CRTC1: variants seen among roughly 807,000 people sequenced by gnomAD.
The protein encoded by CRTC1 is CREB-regulated transcription coactivator 1.
In CRTC1, 18 loss-of-function variants were observed where a neutral mutation model predicts 66.1. The ratio of observed to expected loss-of-function variants is 0.27; its 90% CI spans 0.19 to 0.40. The LOEUF is 0.40. CRTC1 is among the 10% of genes least tolerant of loss of function. The pLI is 1.00. For synonymous variants in CRTC1, 416 were observed against 398.8 expected (o/e 1.04, Z -0.51); for missense variants, 669 against 887.9 (o/e 0.75, Z 3.13).
intron 8 of CRTC1, among the ~76,000 whole-genome samples, chr19:18,763,368 T>C (rs2145820293): frequency 6.6e-6 from 1 of 152,294 alleles, no homozygotes; most frequent in South Asian, 2.1e-4. Flanking sequence ...CCCAAAGTGC[T>C]GGGATTACAG....
At chr19:18,759,965 G>GTCCCCC in intron 7 of CRTC1, 43 bp from the exon 8 acceptor site, 1 of 1,002,758 alleles carries the variant, frequency 1.0e-6, no homozygotes, top group Non-Finnish European at 1.4e-6. Flanking sequence ...CGCCAGCCCC[G>GTCCCCC]CCCCATGAGC....
intron 12 of CRTC1, 60 bp downstream of exon 12, chr19:18,775,046 C>T: frequency 6.5e-7 from 1 of 1,526,836 alleles, no homozygotes; most frequent in Non-Finnish European, 8.9e-7. Flanking sequence ...TGCTGGGACC[C>T]TCGCTGGGAC....
chr19:18,720,299 G>A (rs993828744), intron 1 of CRTC1, among the ~76,000 whole-genome samples: 2 of 152,010 alleles, frequency 1.3e-5, no homozygotes, highest in Non-Finnish European at 2.9e-5. Context: ...GAGTAGCTGG[G>A]ATTACAGATG....
intron 1 of CRTC1, among the ~76,000 whole-genome samples, chr19:18,739,802 C>T (rs2054073516): frequency 1.3e-5 from 2 of 152,232 alleles, no homozygotes; most frequent in South Asian, 4.1e-4. Context: ...GAGGACCCTG[C>T]TCCCAGGGGT....
At chr19:18,713,285 T>C (rs527793298) in intron 1 of CRTC1, among the ~76,000 whole-genome samples, 3 of 152,374 alleles carry the variant, frequency 2.0e-5, no homozygotes, top group African/African-American at 7.2e-5. Context: ...TTCAGCCACT[T>C]GTCTGTTGAT....
intron 2 of CRTC1, among the ~76,000 whole-genome samples, chr19:18,743,776 C>G (rs2054166318): frequency 6.6e-6 from 1 of 152,244 alleles, no homozygotes; most frequent in Non-Finnish European, 1.5e-5. Flanking sequence ...GGCAGGGATC[C>G]TTGGGCTGGC....
rs942219776 is a variant in CRTC1, at chr19:18,713,330, T to C, written c.126+29502T>C. Among the ~76,000 whole-genome samples the C allele has an allele frequency of 2.6e-5, 4 of 152,262 alleles. No individual in the cohort carries two copies. In the South Asian group the frequency reaches 6.2e-4, roughly 24 times the overall value. On this transcript the variant is annotated intron_variant, in intron 1 of 13. Transcript: ENST00000321949. ...GCCTGTTTCCACCTTTTGGCTGTTATGAACAGAGCTGCATGGACATGTGTG... is the reference window on the plus strand; with the variant it reads ...GCCTGTTTCCACCTTTTGGCTGTTACGAACAGAGCTGCATGGACATGTGTG...
chr19:18,694,599 ATT>A (rs2052939588), intron 1 of CRTC1, among the ~76,000 whole-genome samples: 1 of 151,924 alleles, frequency 6.6e-6, no homozygotes, highest in Non-Finnish European at 1.5e-5. Flanking sequence ...TGCCCGGCTA[ATT>A]TTTTTATTTT....
At position 18,760,025 on chromosome 19, in the gene CRTC1, A is replaced by G; in HGVS notation, c.683A>G (p.Asp228Gly). The change falls in exon 8 of 14, where the codon GAC becomes GGC. Residue 228 changes from aspartate (D) to glycine (G), a missense_variant. Coordinates refer to ENST00000321949, the MANE Select transcript of CRTC1 (RefSeq NM_015321.3). This position sits in a 1 kb window ranked among gnomAD's most constrained non-coding sequence, Gnocchi z 6.2. ...TTTCCCAGCATCTTCCCGTCTGCCG[A>G]CCAGGAAAACACTACAGCCCTGATC... The part of the protein sequence containing the change: ...VPGINIFPSA[D>G]QENTTALIPA... The G allele has an allele frequency of 6.5e-7, 1 of 1,534,912 alleles. No homozygotes were observed. The highest frequency in any genetic ancestry group is 8.9e-7 in the Non-Finnish European group (1 of 1,129,658).
chr19:18,704,444 G>A (rs1036287615), intron 1 of CRTC1, among the ~76,000 whole-genome samples: 1 of 152,098 alleles, frequency 6.6e-6, no homozygotes, highest in Non-Finnish European at 1.5e-5. Flanking sequence ...AGATGCGGTA[G>A]CTCTTGTCTG....
intron 1 of CRTC1, among the ~76,000 whole-genome samples, chr19:18,742,069 G>A (rs527280084): frequency 2.6e-5 from 4 of 152,252 alleles, no homozygotes; most frequent in African/African-American, 9.6e-5. Flanking sequence ...TCCCCCAGTT[G>A]CATGGCAGGC....
intron 8 of CRTC1, among the ~76,000 whole-genome samples, chr19:18,761,079 C>T (rs2054603764): frequency 6.6e-6 from 1 of 152,124 alleles, no homozygotes; most frequent in East Asian, 1.9e-4. Context: ...CCCAGTCCCA[C>T]CTCAGGGCCT....
chr19:18,733,837 T>G (rs1199647699), intron 1 of CRTC1, among the ~76,000 whole-genome samples: 1 of 152,190 alleles, frequency 6.6e-6, no homozygotes, highest in Non-Finnish European at 1.5e-5. Context: ...AGGGGCTGGC[T>G]GGGCGCGGTG....
At position 18,738,079 on chromosome 19, in the gene CRTC1, G is replaced by A. The variant is rs548051198; in HGVS notation, c.127-4831G>A. ...TCATGCCTCTAATCCCAGCACTTTGGGAAGCTGAGGTGGGAGGACTGCTTG... is the reference window on the plus strand; with the variant it reads ...TCATGCCTCTAATCCCAGCACTTTGAGAAGCTGAGGTGGGAGGACTGCTTG... On this transcript the variant is annotated intron_variant, in intron 1 of 13. Coordinates refer to ENST00000321949, the MANE Select transcript of CRTC1 (RefSeq NM_015321.3). Among the ~76,000 whole-genome samples the A allele has an allele frequency of 3.3e-5, 5 of 152,242 alleles. No homozygotes were observed. In the East Asian group the frequency reaches 9.7e-4, roughly 29 times the overall value.
chr19:18,722,114 C>T (rs1208248101), intron 1 of CRTC1, among the ~76,000 whole-genome samples: 1 of 152,234 alleles, frequency 6.6e-6, no homozygotes, highest in Non-Finnish European at 1.5e-5. Context: ...ACCTATGCAT[C>T]CGCTGACTAA....
At position 18,768,390 on chromosome 19, in the gene CRTC1, A is replaced by C; in HGVS notation, c.1012-95A>C. On this transcript the variant is annotated intron_variant, in intron 9 of 13. Transcript: ENST00000321949. The surrounding 1 kb of genome is among the most constrained non-coding windows in gnomAD (Gnocchi z 5.6). Reference sequence around the variant, plus strand: ...CTGCCTGTGATCACAGGGCCCTTCCACCTCGCCTGCTGAGCATGCCAGGCT... The same window carrying C: ...CTGCCTGTGATCACAGGGCCCTTCCCCCTCGCCTGCTGAGCATGCCAGGCT... 1 of 1,046,850 alleles carries C rather than the reference A, an allele frequency of 9.6e-7. No individual in the cohort carries two copies. The highest frequency in any genetic ancestry group is 1.4e-6 in the Non-Finnish European group (1 of 720,708). The allele number at this position is 1,046,850 out of a possible 1,614,324, so 64.8% of individuals were successfully genotyped here. A position where few individuals can be genotyped will look rare whatever the true frequency, so the allele number is the denominator to read the frequency against.
intron 6 of CRTC1, among the ~76,000 whole-genome samples, chr19:18,756,267 A>C (rs543904229): frequency 1.5e-5 from 2 of 132,312 alleles, no homozygotes; most frequent in East Asian, 4.9e-4. Flanking sequence ...CGGGAGGCAG[A>C]GGTTGCAGTG....
In CRTC1 at chr19:18,780,329, TC is replaced by T. The variant is rs2055079269; in HGVS notation, c.*2951del. 4.3e-6 allele frequency: 1 copy of T among 231,918 alleles called. No homozygotes were observed. Among genetic ancestry groups the T allele is most frequent in the East Asian group, 6.1e-5 (1 of 16,432 alleles). 14.4% of individuals were successfully genotyped at this position (231,918 alleles called of 1,614,324 possible). ...GGCTCTCCCTCCTGAGAGCATGGCG[TC>T]CCCACCTTCCTGTTTCGCCGACGTC... On this transcript the variant is annotated 3_prime_UTR_variant, in exon 14 of 14. Coordinates refer to ENST00000321949, the MANE Select transcript of CRTC1 (RefSeq NM_015321.3).
At chr19:18,758,125 G>A (rs570528846) in intron 6 of CRTC1, among the ~76,000 whole-genome samples, 7 of 151,928 alleles carry the variant, frequency 4.6e-5, no homozygotes, top group Admixed American at 1.3e-4. Flanking sequence ...CACTTTGGGG[G>A]CCGAGGTGGG....
Sources: allele counts gnomAD v4.1 joint callset (sites outside exome capture counted in the v4.1 genomes callset), GRCh38; gene constraint gnomAD v4.1.1; non-coding constraint Gnocchi (gnomAD v3.1); transcripts MANE v1.5; gene names NCBI Gene and HGNC (gene_info 2026-07-23, HGNC 2026-07-21).